TOM1L2: variants seen among roughly 807,000 people sequenced by gnomAD.
TOM1L2 encodes the protein target of myb1 like 2 membrane trafficking protein.
TOM1L2 carries 31 observed loss-of-function variants against 67.9 expected under a neutral mutation model. That is an observed-to-expected ratio of 0.46 (90% CI 0.34 to 0.62). The LOEUF is 0.62. Among genes scored for constraint, TOM1L2 ranks in the 20% least tolerant of loss-of-function variants. The pLI is 0.01. For missense variants in TOM1L2, 606 were observed against 663.5 expected (o/e 0.91, Z 0.95); for synonymous variants, 256 against 254.0 (o/e 1.01, Z -0.07).
intron 1 of TOM1L2, among the ~76,000 whole-genome samples, chr17:17,924,680 G>A (rs1425780230): frequency 6.6e-6 from 1 of 152,086 alleles, no homozygotes; most frequent in Non-Finnish European, 1.5e-5. Flanking sequence ...TAGGAGTATT[G>A]CTTCAGCACG....
In TOM1L2 at chr17:17,913,768, A is replaced by G. The variant is rs150631349; in HGVS notation, c.53-6237T>C. Reference sequence around the variant, plus strand: ...TGCCTTTGAACCCTTCCCCAGTATCATAAGAGGAAAGGAAAGGGTGAATAT... The same window carrying G: ...TGCCTTTGAACCCTTCCCCAGTATCGTAAGAGGAAAGGAAAGGGTGAATAT... On this transcript the variant is annotated intron_variant, in intron 1 of 14. Coordinates refer to ENST00000379504, the MANE Select transcript of TOM1L2 (RefSeq NM_001082968.2). 9.8e-5 allele frequency among the ~76,000 whole-genome samples: 15 copies of G among 152,320 alleles called. No homozygotes were observed. In the East Asian group the frequency reaches 1.2e-3, roughly 12 times the overall value.
intron 11 of TOM1L2, 27 bp from the exon 12 acceptor site, chr17:17,861,578 G>C: frequency 6.2e-7 from 1 of 1,610,770 alleles, no homozygotes; most frequent in South Asian, 1.1e-5. Flanking sequence ...AGCACAAGCA[G>C]AGTTCATTTT....
chr17:17,965,765 T>C (rs2041851060), intron 1 of TOM1L2, among the ~76,000 whole-genome samples: 1 of 152,210 alleles, frequency 6.6e-6, no homozygotes, highest in African/African-American at 2.4e-5. Context: ...GACTGCAAGA[T>C]GTATAAAGTG....
In TOM1L2 at chr17:17,916,364, C is replaced by T. The variant is rs775523599; in HGVS notation, c.53-8833G>A. On this transcript the variant is annotated intron_variant, in intron 1 of 14. Coordinates refer to ENST00000379504, the MANE Select transcript of TOM1L2 (RefSeq NM_001082968.2). ...CTGGGATTACAGGCATGAATCACCG[C>T]GCCCGGCCTATTTTAAGATTTTTAT... Among the ~76,000 whole-genome samples the T allele has an allele frequency of 3.9e-5, 6 of 152,172 alleles. 1 individual carries two copies. The highest frequency in any genetic ancestry group is 2.6e-4 in the Admixed American group (4 of 15,280).
intron 1 of TOM1L2, among the ~76,000 whole-genome samples, chr17:17,949,551 G>T (rs2144878713): frequency 6.6e-6 from 1 of 152,362 alleles, no homozygotes. Flanking sequence ...CAGGGCACCT[G>T]GGGTGAAGAC....
At chr17:17,940,192 C>CAAAAAAAAAAAAAAA (rs34433429) in intron 1 of TOM1L2, among the ~76,000 whole-genome samples, 1 of 32,612 alleles carries the variant, frequency 3.1e-5, no homozygotes, top group African/African-American at 8.8e-5. Flanking sequence ...GACTCTATCT[C>CAAAAAAAAAAAAAAA]AAAAAAAAAA....
Position 17,844,908 on chromosome 17 carries a change from AT to A in TOM1L2, c.*2726del, listed in dbSNP as rs2035562476. ...GGAATCCCAGCAATAATTTAGTGTA[AT>A]TAAGTATATACTGTATCTGTGATTT... On this transcript the variant is annotated 3_prime_UTR_variant, in exon 15 of 15. Coordinates refer to ENST00000379504, the MANE Select transcript of TOM1L2 (RefSeq NM_001082968.2). 1 of 152,450 alleles carries A rather than the reference AT, an allele frequency of 6.6e-6. No individual in the cohort carries two copies. Among genetic ancestry groups the A allele is most frequent in the African/African-American group, 2.4e-5 (1 of 41,468 alleles). 9.4% of individuals were successfully genotyped at this position (152,450 alleles called of 1,614,324 possible). A position where few individuals can be genotyped will look rare whatever the true frequency, so the allele number is the denominator to read the frequency against.
chr17:17,848,670 G>A (rs887208579), intron 14 of TOM1L2, among the ~76,000 whole-genome samples, 153 bp downstream of exon 14: 2 of 152,254 alleles, frequency 1.3e-5, no homozygotes, highest in African/African-American at 4.8e-5. Context: ...GTAAGACCTG[G>A]GTGGGACAAA....
At chr17:17,874,733 T>C (rs1408300304) in intron 7 of TOM1L2, among the ~76,000 whole-genome samples, 1 of 152,206 alleles carries the variant, frequency 6.6e-6, no homozygotes, top group Non-Finnish European at 1.5e-5. Context: ...GTTTGCTGCC[T>C]CTTCCCCACA....
At chr17:17,970,137 C>T (rs1409201738) in intron 1 of TOM1L2, among the ~76,000 whole-genome samples, 1 of 152,174 alleles carries the variant, frequency 6.6e-6, no homozygotes, top group African/African-American at 2.4e-5. Context: ...TCACTGCAAA[C>T]TCCGCCTCCC....
chr17:17,846,031 C>T lies in TOM1L2; in HGVS notation c.*1604G>A, dbSNP rs1018348172. 1.3e-5 allele frequency: 2 copies of T among 152,306 alleles called. No individual in the cohort carries two copies. Among genetic ancestry groups the T allele is most frequent in the African/African-American group, 4.8e-5 (2 of 41,442 alleles). 9.4% of individuals were successfully genotyped at this position (152,306 alleles called of 1,614,324 possible). On this transcript the variant is annotated 3_prime_UTR_variant, in exon 15 of 15. Coordinates refer to ENST00000379504, the MANE Select transcript of TOM1L2 (RefSeq NM_001082968.2). Reference sequence around the variant, plus strand: ...GCTAGCCTGGCACAGGGTCCTGGGTCGGGCAGCACTTGCTCTTCACTGGAA... The same window carrying T: ...GCTAGCCTGGCACAGGGTCCTGGGTTGGGCAGCACTTGCTCTTCACTGGAA...
intron 1 of TOM1L2, among the ~76,000 whole-genome samples, chr17:17,964,143 G>A (rs998607819): frequency 2.0e-5 from 3 of 152,184 alleles, no homozygotes; most frequent in African/African-American, 7.2e-5. Context: ...AGGTTGGAGG[G>A]AGCAATAACA....
intron 1 of TOM1L2, among the ~76,000 whole-genome samples, chr17:17,919,935 T>C (rs2039786524): frequency 6.6e-6 from 1 of 152,140 alleles, no homozygotes; most frequent in Non-Finnish European, 1.5e-5. Context: ...AGCCCCACAG[T>C]GTGCAGAGAG....
At chr17:17,888,327 C>CA (rs897445910) in intron 4 of TOM1L2, among the ~76,000 whole-genome samples, 11 of 152,232 alleles carry the variant, frequency 7.2e-5, no homozygotes, top group Non-Finnish European at 7.3e-5. Flanking sequence ...GGACCGTATA[C>CA]AAAACCCCAG....
At chr17:17,943,609 T>C (rs2040822364) in intron 1 of TOM1L2, among the ~76,000 whole-genome samples, 1 of 152,222 alleles carries the variant, frequency 6.6e-6, no homozygotes, top group Admixed American at 6.5e-5. Flanking sequence ...GGATTGCTGC[T>C]GCAGCCTCCT....
intron 4 of TOM1L2, among the ~76,000 whole-genome samples, chr17:17,890,180 C>A (rs557402478): frequency 6.6e-6 from 1 of 152,254 alleles, no homozygotes; most frequent in South Asian, 2.1e-4. Context: ...TGACCCAATG[C>A]AATGCTACTC....
chr17:17,908,988 T>G (rs899092682), intron 1 of TOM1L2, among the ~76,000 whole-genome samples: 1 of 152,142 alleles, frequency 6.6e-6, no homozygotes, highest in Non-Finnish European at 1.5e-5. Flanking sequence ...CGAGACCATC[T>G]GGCTAACATG....
At chr17:17,884,221 G>A (rs990884560) in intron 5 of TOM1L2, among the ~76,000 whole-genome samples, 1 of 152,090 alleles carries the variant, frequency 6.6e-6, no homozygotes, top group Non-Finnish European at 1.5e-5. Context: ...ATTTGACTTG[G>A]TACAATTGAA....
chr17:17,862,907 T>G (rs2036637684), intron 10 of TOM1L2, 59 bp from the exon 11 acceptor site: 12 of 1,224,860 alleles, frequency 9.8e-6, no homozygotes, highest in South Asian at 2.5e-5. Flanking sequence ...GTAGATCTGA[T>G]GAAGGGCCCC....
Sources: gnomAD v4.1 joint callset for allele counts (sites outside exome capture counted in the v4.1 genomes callset) on GRCh38, gnomAD v4.1.1 for gene constraint, MANE v1.5 for transcripts, NCBI Gene and HGNC (gene_info 2026-07-23, HGNC 2026-07-21) for gene names.